The following CMTR1 variants were observed in gnomAD, a reference collection of about 807,000 sequenced individuals.
CMTR1 encodes the protein cap methyltransferase 1.
Under a neutral mutation model 107.0 loss-of-function variants are expected in CMTR1, and 39 were observed. The observed-to-expected ratio is 0.36, with a 90% confidence interval of 0.28 to 0.48. The LOEUF is 0.48. Ranked by LOEUF, CMTR1 falls within the 20% of genes least tolerant of loss-of-function variation. The pLI, the probability that CMTR1 is intolerant of heterozygous loss-of-function variation, is 0.99. For missense variants in CMTR1, 672 were observed against 1,064.9 expected, an observed-to-expected ratio of 0.63 and a Z score of 5.14; for synonymous variants, 366 against 379.5, an observed-to-expected ratio of 0.96 and a Z score of 0.41.
At chr6:37,434,009 C>T (rs940834438) in intron 1 of CMTR1, among the ~76,000 whole-genome samples, 1 of 152,190 alleles carries the variant, frequency 6.6e-6, no homozygotes, top group Admixed American at 6.5e-5. Context: ...TCCAGTCTCC[C>T]CCCGAGTCAC....
At chr6:37,453,536 A>G (rs995269484) in intron 8 of CMTR1, among the ~76,000 whole-genome samples, 2 of 152,224 alleles carry the variant, frequency 1.3e-5, no homozygotes, top group Non-Finnish European at 2.9e-5. Flanking sequence ...CTAACCCTAC[A>G]GAAGGTAGAG....
chr6:37,461,468 T>C (rs1179039066), intron 10 of CMTR1, 81 bp from the exon 11 acceptor site: 2 of 725,886 alleles, frequency 2.8e-6, no homozygotes, highest in Non-Finnish European at 4.7e-6. Context: ...TCAAGAACTC[T>C]CGATGAAGAT....
At chr6:37,460,774 T>C (rs1761387386) in intron 10 of CMTR1, among the ~76,000 whole-genome samples, 1 of 152,214 alleles carries the variant, frequency 6.6e-6, no homozygotes, top group Non-Finnish European at 1.5e-5. Context: ...GTTAAGTCTA[T>C]TCACACTGTT....
rs1348467489 is a variant in CMTR1 at position 37,435,659 on chromosome 6, T to A, written c.30T>A (p.Thr10=). ...AGAGGAGAACTGACCCAGAATGCAC[T>A]GCCCCCATCAAGAAACAGAAAAAAA... The part of the protein sequence containing the change: MKRRTDPEC[T]APIKKQKKRV... The change falls in exon 2 of 24, where the codon ACT becomes ACA. Residue 10 remains threonine, a synonymous_variant. Transcript: ENST00000373451. The A allele has an allele frequency of 6.2e-7, 1 of 1,601,124 alleles. No homozygotes were observed. The highest frequency in any genetic ancestry group is 8.5e-7 in the Non-Finnish European group (1 of 1,175,040).
chr6:37,462,132 T>A (rs780327343), intron 12 of CMTR1, 30 bp downstream of exon 12: 14 of 1,613,490 alleles, frequency 8.7e-6, no homozygotes, highest in Non-Finnish European at 1.2e-5. Context: ...ATTAGCCAGA[T>A]TAATTGGCTA....
Position 37,480,002 on chromosome 6 carries a change from C to T in CMTR1, c.2376-11C>T. 1 of 1,567,532 alleles carries T rather than the reference C, an allele frequency of 6.4e-7. No individual in the cohort carries two copies. The highest frequency in any genetic ancestry group is 8.6e-7 in the Non-Finnish European group (1 of 1,162,028). On this transcript the variant is annotated splice_polypyrimidine_tract_variant and intron_variant, in intron 23 of 23. Transcript: ENST00000373451. ...CAGTCCTGACCTCTTTCCCATCCCT[C>T]TCCTCCCCAGCATTTGCTACTATGG...
At chr6:37,453,403 A>G in intron 8 of CMTR1, 91 bp downstream of exon 8, 1 of 1,187,576 alleles carries the variant, frequency 8.4e-7, no homozygotes, top group Non-Finnish European at 1.3e-6. Flanking sequence ...ATGCTAGGAG[A>G]GTATTCTGAC....
Position 37,466,238 on chromosome 6 carries a change from G to A in CMTR1, c.1505+3230G>A, listed in dbSNP as rs891344779. On this transcript the variant is annotated intron_variant, in intron 13 of 23. Transcript: ENST00000373451. ...AGCAATTCTCCCATCTCAGCCTCCC[G>A]AGTAGCTGGGATTACAGGTGCGTGC... Among the ~76,000 whole-genome samples, 3 of 149,358 alleles carry A rather than the reference G, an allele frequency of 2.0e-5. No individual in the cohort carries two copies. In the South Asian group the frequency reaches 6.6e-4, roughly 33 times the overall value.
Position 37,455,577 on chromosome 6 carries a change from GTTGAGAC to G in CMTR1, c.777+2266_777+2272del, listed in dbSNP as rs563311339. Among the ~76,000 whole-genome samples the G allele has an allele frequency of 2.8e-3, 430 of 152,306 alleles. 3 individuals are homozygous for G. Among genetic ancestry groups the G allele is most frequent in the African/African-American group, 1.0e-2 (414 of 41,558 alleles). On this transcript the variant is annotated intron_variant, in intron 8 of 23. Coordinates refer to ENST00000373451, the MANE Select transcript of CMTR1 (RefSeq NM_015050.3). ...AGGGGTTCGAGTGCCTGGGAATGTTGTTGAGACAAGAATACATTGTCTGTGAAGCATT... is the reference window on the plus strand; with the variant it reads ...AGGGGTTCGAGTGCCTGGGAATGTTGAAGAATACATTGTCTGTGAAGCATT...
At position 37,441,661 on chromosome 6, in the gene CMTR1, G is replaced by A. The variant is rs193019331; in HGVS notation, c.134-2338G>A. ...ACTCCTGACCTCAGGTGATCCGCCC[G>A]CCTCGCCTCCCAAATGTTGGGATTA... On this transcript the variant is annotated intron_variant, in intron 2 of 23. Transcript: ENST00000373451. Among the ~76,000 whole-genome samples, 8 of 152,238 alleles carry A rather than the reference G, an allele frequency of 5.3e-5. No individual in the cohort carries two copies. The South Asian group carries it at 8.3e-4, about 16-fold the overall frequency.
Position 37,480,267 on chromosome 6 carries a change from A to T in CMTR1, c.*122A>T. 1 of 1,490,206 alleles carries T rather than the reference A, an allele frequency of 6.7e-7. No homozygotes were observed. Among genetic ancestry groups the T allele is most frequent in the Non-Finnish European group, 8.8e-7 (1 of 1,136,890 alleles). 92.3% of individuals were successfully genotyped at this position (1,490,206 alleles called of 1,614,324 possible). A position where few individuals can be genotyped will look rare whatever the true frequency, so the allele number is the denominator to read the frequency against. On this transcript the variant is annotated 3_prime_UTR_variant, in exon 24 of 24. Coordinates refer to ENST00000373451, the MANE Select transcript of CMTR1 (RefSeq NM_015050.3). ...GGGACTGGGGAGCATTGCACCTGGC[A>T]TGAGGAGTGGGTGGCCTCCTCTCCA... is the stretch of plus-strand genomic sequence containing the variant.
rs1728698491 is a variant in CMTR1 at position 37,458,304 on chromosome 6, T to C, written c.778-308T>C. Among the ~76,000 whole-genome samples, 1 of 152,108 alleles carries C rather than the reference T, an allele frequency of 6.6e-6. No individual in the cohort carries two copies. Reference sequence around the variant, plus strand: ...CCCCTGACCTCAGGCTATCTGCCTCTCTGGCCTCCCAAAGTGCTGGGATTA... The same window carrying C: ...CCCCTGACCTCAGGCTATCTGCCTCCCTGGCCTCCCAAAGTGCTGGGATTA... On this transcript the variant is annotated intron_variant, in intron 8 of 23. Coordinates refer to ENST00000373451, the MANE Select transcript of CMTR1 (RefSeq NM_015050.3). This position sits in a 1 kb window ranked among gnomAD's most constrained non-coding sequence, Gnocchi z 4.7.
chr6:37,430,593 TA>T (rs1380529825), upstream of CMTR1, among the ~76,000 whole-genome samples: 3 of 151,578 alleles, frequency 2.0e-5, no homozygotes, highest in Non-Finnish European at 4.4e-5. Flanking sequence ...GGGTCCCATG[TA>T]AAAAAAAATC....
Position 37,458,944 on chromosome 6 carries a change from T to A in CMTR1, c.976+134T>A. 1 of 806,826 alleles carries A rather than the reference T, an allele frequency of 1.2e-6. No individual in the cohort carries two copies. The highest frequency in any genetic ancestry group is 1.9e-6 in the Non-Finnish European group (1 of 518,488). The allele number at this position is 806,826 out of a possible 1,614,324, so 50.0% of individuals were successfully genotyped here. ...CTTACCCTGGGCTTCACAGTTCATGTCAGAATCTTGGTTCCCTCTGGACTA... is the reference window on the plus strand; with the variant it reads ...CTTACCCTGGGCTTCACAGTTCATGACAGAATCTTGGTTCCCTCTGGACTA... On this transcript the variant is annotated intron_variant, in intron 9 of 23. Coordinates refer to ENST00000373451, the MANE Select transcript of CMTR1 (RefSeq NM_015050.3). This position sits in a 1 kb window ranked among gnomAD's most constrained non-coding sequence, Gnocchi z 4.7.
At chr6:37,463,588 T>A (rs1385198893) in intron 13 of CMTR1, among the ~76,000 whole-genome samples, 1 of 152,156 alleles carries the variant, frequency 6.6e-6, no homozygotes, top group Non-Finnish European at 1.5e-5. Context: ...AAAAAGTGTT[T>A]GGAGATAGGC....
At chr6:37,426,226 T>C in the CMTR1 span, among the ~76,000 whole-genome samples, 1 of 152,186 alleles carries the variant, frequency 6.6e-6, no homozygotes, top group Non-Finnish European at 1.5e-5. Context: ...TCTTTGAGCA[T>C]CTTAAGACTT....
chr6:37,429,171 T>G (rs1009808331), upstream of CMTR1, among the ~76,000 whole-genome samples: 6 of 152,150 alleles, frequency 3.9e-5, no homozygotes, highest in South Asian at 2.1e-4. Context: ...TCCACCCCCA[T>G]CATCATCATT....
intron 9 of CMTR1, among the ~76,000 whole-genome samples, chr6:37,459,326 G>C (rs1054102367): frequency 6.6e-6 from 1 of 152,228 alleles, no homozygotes; most frequent in African/African-American, 2.4e-5. Flanking sequence ...CACAACTTGG[G>C]TCTTAAAGAG....
rs1239855716 is a variant in CMTR1 at position 37,472,694 on chromosome 6, A to G, written c.1689+207A>G. 6.6e-6 allele frequency among the ~76,000 whole-genome samples: 1 copy of G among 152,190 alleles called. No homozygotes were observed. On this transcript the variant is annotated intron_variant, in intron 16 of 23. Coordinates refer to ENST00000373451, the MANE Select transcript of CMTR1 (RefSeq NM_015050.3). The surrounding 1 kb of genome is among the most constrained non-coding windows in gnomAD (Gnocchi z 4.1). Reference sequence around the variant, plus strand: ...CCAAGAGCACAGTCAGGCCAACGGAAGATTCTCATGTTCAGTGCTTGGGCT... The same window carrying G: ...CCAAGAGCACAGTCAGGCCAACGGAGGATTCTCATGTTCAGTGCTTGGGCT...
Sources: gnomAD v4.1 joint callset for allele counts (sites outside exome capture counted in the v4.1 genomes callset) on GRCh38, gnomAD v4.1.1 for gene constraint, Gnocchi (gnomAD v3.1) non-coding constraint, MANE v1.5 for transcripts, NCBI Gene and HGNC (gene_info 2026-07-23, HGNC 2026-07-21) for gene names.